NGEF: variants seen among roughly 807,000 people sequenced by gnomAD.
NGEF encodes the protein ephexin-1.
NGEF carries 31 observed loss-of-function variants against 80.9 expected under a neutral mutation model. The ratio of observed to expected loss-of-function variants is 0.38; its 90% CI spans 0.29 to 0.52. NGEF has a LOEUF of 0.52. NGEF is among the 20% of genes least tolerant of loss of function. The probability of loss-of-function intolerance (pLI) is 0.84; values close to 1 mark genes in which losing one functional copy is unlikely to be tolerated. For missense variants in NGEF, 709 were observed against 926.2 expected, an observed-to-expected ratio of 0.77 and a Z score of 3.04; for synonymous variants, 371 against 370.2, an observed-to-expected ratio of 1.00 and a Z score of -0.03.
At chr2:232,880,195 G>A (rs941246545) in intron 14 of NGEF, among the ~76,000 whole-genome samples, 7 of 152,248 alleles carry the variant, frequency 4.6e-5, no homozygotes, top group African/African-American at 1.7e-4. Flanking sequence ...TGTGGTCAGT[G>A]GAGAGGGTGC....
rs1553553128 is a variant in NGEF at position 232,948,147 on chromosome 2, A to ATATG, written c.384-20962_384-20961insCATA. 2.2e-3 allele frequency among the ~76,000 whole-genome samples: 315 copies of ATATG among 141,652 alleles called. 2 individuals are homozygous for ATATG. Among genetic ancestry groups the ATATG allele is most frequent in the African/African-American group, 6.3e-3 (240 of 38,036 alleles). 92.9% of individuals were successfully genotyped at this position (141,652 alleles called of 152,430 possible). On this transcript the variant is annotated intron_variant, in intron 3 of 14. Coordinates refer to ENST00000264051, the MANE Select transcript of NGEF (RefSeq NM_019850.3). ...GGGGTCATTTGAATATAGCCTGGAG[A>ATATG]TGTGTGTGTGTGTGTGTGTGTGTGT...
At chr2:232,881,008 C>A in intron 14 of NGEF, 138 bp downstream of exon 14, 1 of 681,150 alleles carries the variant, frequency 1.5e-6, no homozygotes, top group Non-Finnish European at 2.6e-6. Context: ...AGTGTCCAAG[C>A]AGAATGTCTC....
chr2:232,976,384 G>A (rs1694294120), intron 1 of NGEF, among the ~76,000 whole-genome samples: 2 of 152,208 alleles, frequency 1.3e-5, no homozygotes, highest in South Asian at 2.1e-4. Flanking sequence ...GTCCCTCTGA[G>A]TTCCCAAACA....
chr2:232,960,771 A>G (rs772976130), intron 3 of NGEF, among the ~76,000 whole-genome samples: 14 of 152,146 alleles, frequency 9.2e-5, no homozygotes, highest in South Asian at 2.1e-4. Flanking sequence ...CCTGCTACTT[A>G]GGAGGCTGAA....
chr2:232,899,712 TCA>T (rs1692221659), intron 5 of NGEF, among the ~76,000 whole-genome samples: 1 of 122,366 alleles, frequency 8.2e-6, no homozygotes, highest in Admixed American at 8.0e-5. Flanking sequence ...ACACACGCTC[TCA>T]GTCACTCATA....
rs1473380155 is a variant in NGEF at position 232,912,546 on chromosome 2, CCTT to C, written c.828+7735_828+7737del. On this transcript the variant is annotated intron_variant, in intron 5 of 14. Transcript: ENST00000264051. The stretch of plus-strand genomic sequence containing the variant: ...GCCTTATAAAAAGTTGGGAAGCATT[CCTT>C]CTTCTATATTTTGGAAAAGAATGGG... Among the ~76,000 whole-genome samples, 8 of 152,220 alleles carry C rather than the reference CCTT, an allele frequency of 5.3e-5. No individual in the cohort carries two copies. In the South Asian group the frequency reaches 8.3e-4, roughly 16 times the overall value.
intron 4 of NGEF, among the ~76,000 whole-genome samples, chr2:232,921,608 T>C (rs886565281): frequency 6.6e-6 from 1 of 151,114 alleles, no homozygotes; most frequent in African/African-American, 2.4e-5. Context: ...TGTGTCACCA[T>C]GGCCGGCTAG....
intron 2 of NGEF, among the ~76,000 whole-genome samples, chr2:232,974,269 C>T (rs1274409942): frequency 1.3e-5 from 2 of 152,094 alleles, no homozygotes; most frequent in African/African-American, 4.8e-5. Context: ...ACCTCATCAC[C>T]GAGACAATTC....
intron 3 of NGEF, among the ~76,000 whole-genome samples, chr2:232,948,189 AATT>A (rs1693601621): frequency 9.4e-6 from 1 of 106,298 alleles, no homozygotes; most frequent in Admixed American, 9.3e-5. Context: ...GTGTGTATAT[AATT>A]ATTATTAGTT....
At position 232,954,076 on chromosome 2, in the gene NGEF, C is replaced by T. The variant is rs762828836; in HGVS notation, c.383+16138G>A. Among the ~76,000 whole-genome samples the T allele has an allele frequency of 1.5e-4, 23 of 152,214 alleles. 1 individual carries two copies. Among genetic ancestry groups the T allele is most frequent in the Middle Eastern group, 6.8e-3 (2 of 294 alleles). ...GAGGATAACAGAGCCGAATGTCTAC[C>T]GAGGGAGCTGTGTTGAGAGTCAGGG... On this transcript the variant is annotated intron_variant, in intron 3 of 14. Coordinates refer to ENST00000264051, the MANE Select transcript of NGEF (RefSeq NM_019850.3).
At chr2:232,912,261 G>A (rs1692705468) in intron 5 of NGEF, among the ~76,000 whole-genome samples, 1 of 152,100 alleles carries the variant, frequency 6.6e-6, no homozygotes, top group South Asian at 2.1e-4. Context: ...AATTGTTGTA[G>A]TAACCATGCA....
At chr2:232,953,511 A>T (rs34214717) in intron 3 of NGEF, among the ~76,000 whole-genome samples, 61,492 of 128,346 alleles carry the variant, frequency 0.48, 13,535 homozygotes, top group Non-Finnish European at 0.52. Flanking sequence ...TTTTTTTTTA[A>T]AAAAAAAAGA....
chr2:232,968,692 A>T (rs1694118573), intron 3 of NGEF, among the ~76,000 whole-genome samples: 2 of 152,190 alleles, frequency 1.3e-5, no homozygotes, highest in Admixed American at 1.3e-4. Flanking sequence ...GGCATGAGCC[A>T]CTGCGCCTGG....
intron 3 of NGEF, among the ~76,000 whole-genome samples, chr2:232,952,052 A>G (rs996466267): frequency 6.6e-6 from 1 of 152,216 alleles, no homozygotes; most frequent in Non-Finnish European, 1.5e-5. Flanking sequence ...GCAGATCATC[A>G]AAAGGATAAA....
intron 5 of NGEF, among the ~76,000 whole-genome samples, chr2:232,901,745 A>G (rs2106251611): frequency 6.6e-6 from 1 of 152,306 alleles, no homozygotes; most frequent in Admixed American, 6.5e-5. Flanking sequence ...AGCCCAACTT[A>G]GTTCACTGGC....
chr2:232,898,482 T>A (rs1574999607), intron 5 of NGEF, among the ~76,000 whole-genome samples: 1 of 152,380 alleles, frequency 6.6e-6, no homozygotes, highest in East Asian at 1.9e-4. Context: ...CTCATCCATT[T>A]ACAGGCAACG....
chr2:232,953,803 T>C (rs1209883546), intron 3 of NGEF, among the ~76,000 whole-genome samples: 2 of 152,088 alleles, frequency 1.3e-5, no homozygotes, highest in Non-Finnish European at 2.9e-5. Flanking sequence ...CCAGCTTTGG[T>C]GCACTGGAGC....
At chr2:232,928,249 C>CGGTTCG (rs1183162875) in intron 3 of NGEF, 10 of 828,674 alleles carry the variant, frequency 1.2e-5, no homozygotes, top group East Asian at 2.6e-4. Flanking sequence ...CGGGCGGCGG[C>CGGTTCG]GGGGCGGGGG....
chr2:233,003,464 C>G (rs1036848708), intron 1 of NGEF, among the ~76,000 whole-genome samples: 1 of 152,222 alleles, frequency 6.6e-6, no homozygotes, highest in African/African-American at 2.4e-5. Context: ...CCTCGGGTAT[C>G]CGCCTGGAGC....
Sources: allele counts gnomAD v4.1 joint callset (sites outside exome capture counted in the v4.1 genomes callset), GRCh38; gene constraint gnomAD v4.1.1; transcripts MANE v1.5; gene names NCBI Gene and HGNC (gene_info 2026-07-23, HGNC 2026-07-21).